PTPRT: variants seen among roughly 807,000 people sequenced by gnomAD.
PTPRT encodes the protein receptor-type tyrosine-protein phosphatase T.
Under a neutral mutation model 176.8 loss-of-function variants are expected in PTPRT, and 56 were observed. The observed-to-expected ratio is 0.32, with a 90% CI of 0.26 to 0.40. PTPRT has a LOEUF of 0.40. PTPRT is among the 10% of genes least tolerant of loss of function. The pLI, the probability that PTPRT is intolerant of heterozygous loss-of-function variation, is 1.00. For synonymous variants in PTPRT, 783 were observed against 739.0 expected, an observed-to-expected ratio of 1.06 and a Z score of -0.96; for missense variants, 1,540 against 1,908.2, an observed-to-expected ratio of 0.81 and a Z score of 3.60.
chr20:42,865,347 C>A (rs923954145), intron 2 of PTPRT, among the ~76,000 whole-genome samples: 2 of 152,198 alleles, frequency 1.3e-5, no homozygotes, highest in Non-Finnish European at 2.9e-5. Flanking sequence ...ATGCTCTGAA[C>A]CACAAGTGTA....
intron 18 of PTPRT, among the ~76,000 whole-genome samples, chr20:42,132,735 A>G (rs1988179593): frequency 3.3e-5 from 5 of 152,238 alleles, no homozygotes; most frequent in Admixed American, 3.3e-4. Context: ...AAAATGGTAC[A>G]GCCACTTTGG....
intron 8 of PTPRT, among the ~76,000 whole-genome samples, chr20:42,462,816 G>A (rs898888739): frequency 1.3e-5 from 2 of 152,184 alleles, no homozygotes; most frequent in African/African-American, 4.8e-5. Context: ...CAGACAGTAA[G>A]TTAAGGGCTT....
intron 16 of PTPRT, among the ~76,000 whole-genome samples, chr20:42,171,732 T>G (rs1054125055): frequency 7.9e-5 from 12 of 152,062 alleles, no homozygotes; most frequent in African/African-American, 2.4e-4. Flanking sequence ...GCATCCAAAT[T>G]TTGTTACTTG....
chr20:42,614,025 C>T (rs949808706), intron 7 of PTPRT, among the ~76,000 whole-genome samples: 2 of 151,794 alleles, frequency 1.3e-5, no homozygotes, highest in African/African-American at 4.8e-5. Flanking sequence ...ATTTATCATC[C>T]TATTGTTCTA....
At chr20:42,680,877 A>G (rs1770749967) in intron 6 of PTPRT, among the ~76,000 whole-genome samples, 2 of 152,334 alleles carry the variant, frequency 1.3e-5, no homozygotes, top group South Asian at 4.1e-4. Flanking sequence ...CCCTATCTCA[A>G]ATGACTTGCG....
chr20:42,482,616 A>G (rs563573359), intron 7 of PTPRT, among the ~76,000 whole-genome samples: 2 of 152,294 alleles, frequency 1.3e-5, no homozygotes, highest in African/African-American at 4.8e-5. Flanking sequence ...TCAGAAAAGT[A>G]TGTAACACAT....
chr20:42,401,859 T>C (rs2058911756), intron 9 of PTPRT, among the ~76,000 whole-genome samples: 1 of 152,176 alleles, frequency 6.6e-6, no homozygotes, highest in African/African-American at 2.4e-5. Context: ...CAGTGTTACA[T>C]TGTAAGATGT....
intron 7 of PTPRT, among the ~76,000 whole-genome samples, chr20:42,505,875 A>G (rs536368780): frequency 6.6e-6 from 1 of 152,244 alleles, no homozygotes; most frequent in African/African-American, 2.4e-5. Context: ...TTTTCATTGG[A>G]ATTGGATTAA....
chr20:42,618,324 G>A (rs1338275198), intron 7 of PTPRT, among the ~76,000 whole-genome samples: 1 of 134,352 alleles, frequency 7.4e-6, no homozygotes, highest in Non-Finnish European at 1.6e-5. Flanking sequence ...TATAATTTCT[G>A]TTCTTTTACA....
At chr20:43,059,195 C>T (rs1447720916) in intron 1 of PTPRT, among the ~76,000 whole-genome samples, 1 of 152,168 alleles carries the variant, frequency 6.6e-6, no homozygotes, top group Non-Finnish European at 1.5e-5. Flanking sequence ...ATACTAATCT[C>T]CTTATCAAAC....
intron 1 of PTPRT, among the ~76,000 whole-genome samples, chr20:42,965,121 A>G (rs1982219261): frequency 6.6e-6 from 1 of 152,340 alleles, no homozygotes; most frequent in East Asian, 1.9e-4. Context: ...CAAATTTGGA[A>G]AGATAACGCC....
At chr20:42,290,848 AG>A (rs1259923862) in intron 12 of PTPRT, among the ~76,000 whole-genome samples, 1 of 152,058 alleles carries the variant, frequency 6.6e-6, no homozygotes, top group Admixed American at 6.6e-5. Context: ...GGAACTGTTT[AG>A]GTCATCAAAT....
intron 9 of PTPRT, among the ~76,000 whole-genome samples, chr20:42,401,164 T>C (rs1345805231): frequency 3.5e-5 from 5 of 143,308 alleles, no homozygotes; most frequent in East Asian, 2.0e-4. Flanking sequence ...AATAAATAAA[T>C]AAACAAACCT....
intron 1 of PTPRT, among the ~76,000 whole-genome samples, chr20:43,010,459 A>G (rs1371139447): frequency 6.6e-6 from 1 of 151,350 alleles, no homozygotes; most frequent in Admixed American, 6.5e-5. Flanking sequence ...GCTTCTGCTC[A>G]TAGTGTCTAC....
intron 23 of PTPRT, 146 bp from the exon 24 acceptor site, chr20:42,107,067 G>A (rs1986520470): frequency 3.8e-6 from 4 of 1,048,128 alleles, no homozygotes; most frequent in Non-Finnish European, 5.4e-6. Flanking sequence ...AATATGTATA[G>A]TTTGTAATGC....
intron 8 of PTPRT, among the ~76,000 whole-genome samples, chr20:42,458,906 G>GA (rs1402795632): frequency 6.6e-6 from 1 of 152,058 alleles, no homozygotes; most frequent in African/African-American, 2.4e-5. Flanking sequence ...AAAACACAAG[G>GA]AAAAAATCTT....
At chr20:42,200,640 A>G (rs888629650) in intron 15 of PTPRT, among the ~76,000 whole-genome samples, 1 of 152,248 alleles carries the variant, frequency 6.6e-6, no homozygotes, top group African/African-American at 2.4e-5. Flanking sequence ...TTAGAGATAC[A>G]AAAATATGAC....
intron 1 of PTPRT, among the ~76,000 whole-genome samples, chr20:42,929,760 T>C (rs1461168130): frequency 6.6e-6 from 1 of 152,230 alleles, no homozygotes; most frequent in African/African-American, 2.4e-5. Flanking sequence ...TTTGGTCTGA[T>C]GTTTGTAGGA....
At chr20:42,444,915 A>G (rs2145842857) in intron 9 of PTPRT, among the ~76,000 whole-genome samples, 1 of 152,324 alleles carries the variant, frequency 6.6e-6, no homozygotes, top group South Asian at 2.1e-4. Flanking sequence ...GATTGGGTTG[A>G]GCCCAGAGTA....
Sources: allele counts gnomAD v4.1 joint callset (sites outside exome capture counted in the v4.1 genomes callset), GRCh38; gene constraint gnomAD v4.1.1; transcripts MANE v1.5; gene names NCBI Gene and HGNC (gene_info 2026-07-23, HGNC 2026-07-21).